LRP4: variants seen among roughly 807,000 people sequenced by gnomAD.
LRP4 encodes LDL receptor related protein 4.
In LRP4, 95 loss-of-function variants were observed where a neutral mutation model predicts 220.3. The ratio of observed to expected loss-of-function variants is 0.43; its 90% confidence interval spans 0.37 to 0.51. The LOEUF is 0.51. Among genes scored for constraint, LRP4 ranks in the 20% least tolerant of loss-of-function variants. The pLI, the probability that LRP4 is intolerant of heterozygous loss-of-function variation, is 0.00. For synonymous variants in LRP4, 903 were observed against 954.6 expected (o/e 0.95, Z 1.00); for missense variants, 1,925 against 2,567.0 (o/e 0.75, Z 5.40).
At chr11:46,885,119 G>A (rs1941256371) in intron 18 of LRP4, among the ~76,000 whole-genome samples, 1 of 151,944 alleles carries the variant, frequency 6.6e-6, no homozygotes, top group Non-Finnish European at 1.5e-5. Flanking sequence ...CCAAGTAGCT[G>A]GGACTACAGG....
At chr11:46,900,122 G>A in intron 3 of LRP4, 140 bp downstream of exon 3, 1 of 953,112 alleles carries the variant, frequency 1.0e-6, no homozygotes, top group East Asian at 2.4e-5. Flanking sequence ...CAGCTTATCT[G>A]ACTTCGAGAG....
chr11:46,884,366 G>A (rs1941231690), intron 18 of LRP4, among the ~76,000 whole-genome samples: 1 of 152,114 alleles, frequency 6.6e-6, no homozygotes, highest in Non-Finnish European at 1.5e-5. Context: ...CACTTTGAGA[G>A]GCCGAGGCAA....
intron 37 of LRP4, among the ~76,000 whole-genome samples, chr11:46,860,369 G>A (rs1940513038): frequency 6.6e-6 from 1 of 152,186 alleles, no homozygotes; most frequent in Admixed American, 6.5e-5. Context: ...CTGCTGCCAT[G>A]AGTCCTGGGA....
intron 9 of LRP4, 23 bp downstream of exon 9, chr11:46,896,187 G>A (rs1941526946): frequency 6.2e-7 from 1 of 1,613,228 alleles, no homozygotes; most frequent in Non-Finnish European, 8.5e-7. Context: ...CATGGGCCAG[G>A]TCCGCCCACT....
chr11:46,898,741 G>A (rs1339418591), intron 6 of LRP4, 64 bp from the exon 7 acceptor site: 2 of 1,610,710 alleles, frequency 1.2e-6, no homozygotes, highest in Non-Finnish European at 1.7e-6. Context: ...AGACTAGAAG[G>A]CCACAGCCCC....
Position 46,896,331 on chromosome 11 carries a change from G to A in LRP4, c.927C>T (p.Ser309=), listed in dbSNP as rs1463632590. The A allele has an allele frequency of 2.5e-6, 4 of 1,613,570 alleles. No homozygotes were observed. The highest frequency in any genetic ancestry group is 2.5e-6 in the Non-Finnish European group (3 of 1,179,986). ...GGAACTGGTCCAAGGCACATTGGGG[G>A]CTTCCTAGAGAGATGGAGGGTCAGG... ...SDEENCENTG[S]PQCALDQFLC... is the part of the protein sequence containing the mutation. Residue 309 remains serine, a synonymous_variant, in exon 9 of 38, where the codon AGC becomes AGT. Transcript: ENST00000378623.
chr11:46,898,799 G>A (rs1941600099), intron 6 of LRP4, 105 bp downstream of exon 6: 2 of 1,605,340 alleles, frequency 1.2e-6, no homozygotes, highest in African/African-American at 1.3e-5. Flanking sequence ...AGAAAATCCA[G>A]AAACTCCTCT....
intron 19 of LRP4, among the ~76,000 whole-genome samples, chr11:46,882,582 T>G (rs532917114): frequency 6.6e-6 from 1 of 152,254 alleles, no homozygotes; most frequent in East Asian, 1.9e-4. Flanking sequence ...CCAGGTGCAG[T>G]GGCTCACACC....
At chr11:46,892,341 G>A (rs141200577) in intron 13 of LRP4, among the ~76,000 whole-genome samples, 5 of 152,098 alleles carry the variant, frequency 3.3e-5, no homozygotes, top group South Asian at 2.1e-4. Context: ...ATAAAAATAC[G>A]AAACACCTAC....
chr11:46,889,232 G>A (rs1592535545), intron 16 of LRP4, among the ~76,000 whole-genome samples, 179 bp downstream of exon 16: 1 of 152,298 alleles, frequency 6.6e-6, no homozygotes, highest in Non-Finnish European at 1.5e-5. Context: ...ACTAGTGCTG[G>A]GTCCTCAGTC....
Position 46,868,698 on chromosome 11 carries a change from C to A in LRP4, c.4853G>T (p.Gly1618Val). The change falls in exon 33 of 38, where the codon GGT (glycine) becomes GTT (valine). Residue 1618 changes from glycine (G) to valine (V), a missense_variant. Physicochemically the swap from Gly to Val is moderately radical, Grantham distance 109. Transcript: ENST00000378623. ...GTGGGTGCAGCCACCATTGTTCACA[C>A]CACAGGCATTGGTCCCTGGAGGCAA... ...PQRQTGTNAC[G>V]VNNGGCTHLC... 1 of 1,613,610 alleles carries A rather than the reference C, an allele frequency of 6.2e-7. No individual in the cohort carries two copies. Among genetic ancestry groups the A allele is most frequent in the South Asian group, 1.1e-5 (1 of 91,074 alleles).
chr11:46,891,452 CACACACACACACAG>C (rs1242883329), intron 13 of LRP4, among the ~76,000 whole-genome samples: 3 of 150,104 alleles, frequency 2.0e-5, no homozygotes, highest in African/African-American at 5.0e-5. Context: ...CACACACACA[CACACACACACACAG>C]ACACACACAC....
chr11:46,884,115 C>T (rs537928405), intron 18 of LRP4, 139 bp from the exon 19 acceptor site: 45 of 701,356 alleles, frequency 6.4e-5, no homozygotes, highest in African/African-American at 4.7e-4. Context: ...AGATGCACAA[C>T]GGAAATTTAG....
chr11:46,879,378 G>C (rs1941097455), intron 20 of LRP4, 63 bp from the exon 21 acceptor site: 1 of 1,563,998 alleles, frequency 6.4e-7, no homozygotes, highest in Non-Finnish European at 8.8e-7. Flanking sequence ...CAGTGGCAAA[G>C]AGCTCACTGT....
chr11:46,875,996 G>C lies in LRP4; in HGVS notation c.3537-30C>G. On this transcript the variant is annotated intron_variant, in intron 25 of 37. Transcript: ENST00000378623. This position sits in a 1 kb window ranked among gnomAD's most constrained non-coding sequence, Gnocchi z 4.5. ...GTGAGGAAGAATATTAGCTATATTA[G>C]CTAGTTATTCCAGCAGCTACCACAT... The C allele has an allele frequency of 6.2e-7, 1 of 1,605,866 alleles. No homozygotes were observed. The highest frequency in any genetic ancestry group is 8.5e-7 in the Non-Finnish European group (1 of 1,172,614).
intron 13 of LRP4, among the ~76,000 whole-genome samples, chr11:46,891,565 G>C (rs1368733506): frequency 6.6e-6 from 1 of 152,008 alleles, no homozygotes; most frequent in Non-Finnish European, 1.5e-5. Flanking sequence ...ATTTTTAAAA[G>C]CCAGAGGTGA....
intron 20 of LRP4, 132 bp from the exon 21 acceptor site, chr11:46,879,447 T>C (rs998835346): frequency 9.7e-6 from 8 of 824,198 alleles, no homozygotes; most frequent in African/African-American, 1.7e-5. Context: ...TAAGAGCTAC[T>C]TATAAAATCT....
In LRP4 at chr11:46,886,333, C is replaced by G. The variant is rs1489535633; in HGVS notation, c.2416G>C (p.Gly806Arg). 2 of 1,585,364 alleles carry G rather than the reference C, an allele frequency of 1.3e-6. No individual in the cohort carries two copies. Among genetic ancestry groups the G allele is most frequent in the African/African-American group, 2.7e-5 (2 of 74,356 alleles). ...CCCACGCTGGGCCCTACCTCCTGTC[C>G]TGTTCCATCCCACTTGGCCCTGCTG... ...TISRAKWDGT[G>R]QEVVVDTSLE... Residue 806 changes from glycine (G) to arginine (R), a missense_variant, in exon 17 of 38, where the codon GGA becomes CGA. Physicochemically the swap from Gly to Arg is moderately radical, Grantham distance 125. Around this residue, in one of 3 missense-constraint regions of LRP4, gnomAD observed 1,244 missense variants for 1,624.9 expected, o/e 0.77. Coordinates refer to ENST00000378623, the MANE Select transcript of LRP4 (RefSeq NM_002334.4).
At chr11:46,883,837 G>A in intron 19 of LRP4, 34 bp downstream of exon 19, 1 of 1,495,752 alleles carries the variant, frequency 6.7e-7, no homozygotes, top group Non-Finnish European at 9.3e-7. Context: ...TGGGAGGGGT[G>A]GATGGAGCTC....
Sources: gnomAD v4.1 joint callset for allele counts (sites outside exome capture counted in the v4.1 genomes callset) on GRCh38, gnomAD v4.1.1 for gene constraint, gnomAD v4.1.1 regional missense constraint, Gnocchi (gnomAD v3.1) non-coding constraint, MANE v1.5 for transcripts, NCBI Gene and HGNC (gene_info 2026-07-23, HGNC 2026-07-21) for gene names.